KPNA6: variants seen among roughly 807,000 people sequenced by gnomAD.
KPNA6 encodes karyopherin subunit alpha 6, also known as importin subunit alpha-7.
Under a neutral mutation model 72.0 loss-of-function variants are expected in KPNA6, and 9 were observed. That is an observed-to-expected ratio of 0.13 (90% CI 0.08 to 0.22). The LOEUF (loss-of-function observed/expected upper bound fraction) is 0.22. KPNA6 is among the 10% of genes least tolerant of loss of function. The pLI is 1.00. For missense variants in KPNA6, 374 were observed against 655.7 expected, an observed-to-expected ratio of 0.57 and a Z score of 4.69; for synonymous variants, 219 against 242.1, an observed-to-expected ratio of 0.90 and a Z score of 0.89.
intron 1 of KPNA6, among the ~76,000 whole-genome samples, chr1:32,147,339 G>T (rs762225052): frequency 2.4e-4 from 37 of 152,076 alleles, no homozygotes; most frequent in Admixed American, 6.6e-5. Context: ...TGTCACACAG[G>T]CTGGAGTGAC....
At chr1:32,148,810 G>A (rs952238603) in intron 1 of KPNA6, among the ~76,000 whole-genome samples, 1 of 151,968 alleles carries the variant, frequency 6.6e-6, no homozygotes, top group Non-Finnish European at 1.5e-5. Context: ...ACCCGCCTCA[G>A]CCTCCCAAAG....
intron 1 of KPNA6, among the ~76,000 whole-genome samples, chr1:32,149,085 T>C (rs1218331930): frequency 6.6e-6 from 1 of 152,202 alleles, no homozygotes; most frequent in East Asian, 1.9e-4. Flanking sequence ...TTGGATAATT[T>C]TAATTGATCT....
intron 1 of KPNA6, among the ~76,000 whole-genome samples, chr1:32,124,925 A>G (rs983753618): frequency 6.6e-6 from 1 of 151,512 alleles, no homozygotes; most frequent in African/African-American, 2.4e-5. Context: ...GCTCACTGCA[A>G]CCTCCACCTC....
intron 1 of KPNA6, among the ~76,000 whole-genome samples, chr1:32,151,994 A>G (rs189128457): frequency 2.0e-5 from 3 of 152,344 alleles, no homozygotes; most frequent in African/African-American, 7.2e-5. Context: ...TACATTCACT[A>G]TCAATAAGGA....
rs1373365271 is a variant in KPNA6, at chr1:32,158,366, G to A, written c.426+5G>A. On this transcript the variant is annotated splice_donor_5th_base_variant and intron_variant, in intron 5 of 13. Coordinates refer to ENST00000373625, the MANE Select transcript of KPNA6 (RefSeq NM_012316.5). ...AATGAGAATTGTACATTACAGGTGA[G>A]GCCTGAAGGGAAGGGGTTTGTTTTG... 2.5e-6 allele frequency: 4 copies of A among 1,582,034 alleles called. No homozygotes were observed. The highest frequency in any genetic ancestry group is 2.7e-5 in the African/African-American group (2 of 74,206).
At chr1:32,118,358 A>T (rs1329111243) in intron 1 of KPNA6, among the ~76,000 whole-genome samples, 3 of 146,856 alleles carry the variant, frequency 2.0e-5, no homozygotes, top group Non-Finnish European at 3.0e-5. Context: ...TTTTTTTTTT[A>T]AATGGAGTCT....
rs1168745304 is a variant in KPNA6 at position 32,171,297 on chromosome 1, G to A, written c.*403G>A. On this transcript the variant is annotated 3_prime_UTR_variant, in exon 14 of 14. Transcript: ENST00000373625. Reference sequence around the variant, plus strand: ...CCCTTTATCTTTTTTCATTCTTCCCGGTCCTCTGCCCTGATCTGTGTAACT... The same window carrying A: ...CCCTTTATCTTTTTTCATTCTTCCCAGTCCTCTGCCCTGATCTGTGTAACT... The A allele has an allele frequency of 5.1e-5, 9 of 176,272 alleles. No homozygotes were observed. In the East Asian group the frequency reaches 8.5e-4, roughly 17 times the overall value. 10.9% of individuals were successfully genotyped at this position (176,272 alleles called of 1,614,324 possible).
chr1:32,116,679 A>G (rs1641334582), intron 1 of KPNA6, among the ~76,000 whole-genome samples: 1 of 152,140 alleles, frequency 6.6e-6, no homozygotes, highest in Non-Finnish European at 1.5e-5. Flanking sequence ...CTTTGCATTC[A>G]CAGCTTTGCT....
At chr1:32,143,587 G>A (rs10737360) in intron 1 of KPNA6, among the ~76,000 whole-genome samples, 127,698 of 141,320 alleles carry the variant, frequency 0.9, 57,062 homozygotes, top group Middle Eastern at 0.98. Flanking sequence ...AAAAAAAAAA[G>A]AAAAGAAAAA....
chr1:32,136,181 C>CTTTTTTTTTTTTTTTTTTTTT (rs759447035), intron 1 of KPNA6, among the ~76,000 whole-genome samples: 11 of 139,296 alleles, frequency 7.9e-5, no homozygotes, highest in East Asian at 4.4e-4. Flanking sequence ...TAGCTTCTCT[C>CTTTTTTTTTTTTTTTTTTTTT]TTTTTTTTTT....
intron 1 of KPNA6, among the ~76,000 whole-genome samples, chr1:32,115,500 C>T (rs1298808305): frequency 6.6e-6 from 1 of 150,890 alleles, no homozygotes; most frequent in Non-Finnish European, 1.5e-5. Context: ...CAAGATAGCA[C>T]ACTGCAACCT....
chr1:32,136,437 G>A (rs1032589110), intron 1 of KPNA6, among the ~76,000 whole-genome samples: 2 of 152,130 alleles, frequency 1.3e-5, no homozygotes, highest in African/African-American at 4.8e-5. Context: ...GACTCCCAAA[G>A]TGCTGGGATT....
rs1183808892 is a variant in KPNA6 at position 32,126,031 on chromosome 1, TTTTTC to T, written c.4+17902_4+17906del. Among the ~76,000 whole-genome samples the T allele has an allele frequency of 2.0e-4, 31 of 151,968 alleles. No homozygotes were observed. The East Asian group carries it at 5.8e-3, about 28-fold the overall frequency. ...TCCTATTTTCAGAGCTTGTTTTTCTTTTTTCTTTTTATTTTGTTTGTTTGTTTGTT... is the reference window on the plus strand; with the variant it reads ...TCCTATTTTCAGAGCTTGTTTTTCTTTTTTTATTTTGTTTGTTTGTTTGTT... On this transcript the variant is annotated intron_variant, in intron 1 of 13. Coordinates refer to ENST00000373625, the MANE Select transcript of KPNA6 (RefSeq NM_012316.5).
At chr1:32,137,138 G>A (rs1310695168) in intron 1 of KPNA6, among the ~76,000 whole-genome samples, 1 of 152,060 alleles carries the variant, frequency 6.6e-6, no homozygotes, top group African/African-American at 2.4e-5. Context: ...ATAATTAAGT[G>A]GTTCTTTGGG....
intron 1 of KPNA6, among the ~76,000 whole-genome samples, chr1:32,144,629 A>G (rs1201491174): frequency 6.6e-6 from 1 of 152,018 alleles, no homozygotes; most frequent in Non-Finnish European, 1.5e-5. Context: ...GTAGGTGTGG[A>G]GTAGTATGTC....
In KPNA6 at chr1:32,158,328, G is replaced by T. The variant is rs773914628; in HGVS notation, c.393G>T (p.Glu131Asp). 2.5e-6 allele frequency: 4 copies of T among 1,613,406 alleles called. No homozygotes were observed. The East Asian group carries it at 8.9e-5, about 36-fold the overall frequency. Residue 131 changes from glutamate (E) to aspartate (D), a missense_variant, in exon 5 of 14, where the codon GAG (glutamate) becomes GAT (aspartate). Coordinates refer to ENST00000373625, the MANE Select transcript of KPNA6 (RefSeq NM_012316.5). Reference protein sequence around the residue: ...NTPRVVDRFVEFLKRNENCTL... With the variant: ...NTPRVVDRFVDFLKRNENCTL... ...CAAGAGTGGTGGATCGGTTCGTGGA[G>T]TTTCTGAAGAGGAATGAGAATTGTA...
At chr1:32,165,749 A>G (rs1570072534) in intron 10 of KPNA6, among the ~76,000 whole-genome samples, 1 of 151,584 alleles carries the variant, frequency 6.6e-6, no homozygotes, top group South Asian at 2.1e-4. Context: ...TGTAATCCCA[A>G]CACTTTGGGA....
At chr1:32,161,092 A>G (rs937216743) in intron 7 of KPNA6, among the ~76,000 whole-genome samples, 3 of 152,078 alleles carry the variant, frequency 2.0e-5, no homozygotes, top group Non-Finnish European at 4.4e-5. Flanking sequence ...AGGGAGATCA[A>G]GGCTACAGTG....
At chr1:32,159,863 ACCACAGTACC>A (rs1642205872) in intron 6 of KPNA6, among the ~76,000 whole-genome samples, 1 of 152,202 alleles carries the variant, frequency 6.6e-6, no homozygotes, top group South Asian at 2.1e-4. Context: ...GAAAAAAGAC[ACCACAGTACC>A]CATATCTGAG....
Sources: allele counts gnomAD v4.1 joint callset (sites outside exome capture counted in the v4.1 genomes callset), GRCh38; gene constraint gnomAD v4.1.1; transcripts MANE v1.5; gene names NCBI Gene and HGNC (gene_info 2026-07-23, HGNC 2026-07-21).